Variants in NHSL1 observed in about 807,000 individuals in gnomAD.
The protein encoded by NHSL1 is NHS-like protein 1.
A neutral mutation model predicts 95.0 loss-of-function variants in NHSL1; 48 were observed. The observed-to-expected ratio is 0.51, with a 90% CI of 0.40 to 0.64. The LOEUF is 0.64. NHSL1 is among the 30% of genes least tolerant of loss of function. The pLI is 0.00. For synonymous variants in NHSL1, 783 were observed against 833.9 expected, an observed-to-expected ratio of 0.94 and a Z score of 1.05; for missense variants, 1,971 against 2,077.7, an observed-to-expected ratio of 0.95 and a Z score of 1.00.
At chr6:138,475,285 T>C (rs1181467755) in intron 2 of NHSL1, among the ~76,000 whole-genome samples, 1 of 152,108 alleles carries the variant, frequency 6.6e-6, no homozygotes, top group African/African-American at 2.4e-5. Flanking sequence ...AGTAGCATGA[T>C]GATCACGGCT....
chr6:138,674,271 T>C (rs1397170391), intron 1 of NHSL1, among the ~76,000 whole-genome samples: 1 of 92,194 alleles, frequency 1.1e-5, no homozygotes, highest in Admixed American at 1.2e-4. Context: ...TCTGTTGATA[T>C]AATTTTTTTA....
chr6:138,607,709 T>A (rs1331691747), intron 1 of NHSL1, among the ~76,000 whole-genome samples: 2 of 152,040 alleles, frequency 1.3e-5, no homozygotes, highest in African/African-American at 4.8e-5. Context: ...CGGAGTGGGG[T>A]TTCTTGTCAG....
At chr6:138,494,443 T>G (rs1419990645) in intron 2 of NHSL1, among the ~76,000 whole-genome samples, 1 of 152,208 alleles carries the variant, frequency 6.6e-6, no homozygotes, top group Non-Finnish European at 1.5e-5. Context: ...GCTTCCATTT[T>G]TCCATCTGCA....
rs1775855241 is a variant in NHSL1 at position 138,433,450 on chromosome 6, C to A, written c.895G>T (p.Gly299Cys). Residue 299 changes from glycine to cysteine, a missense_variant, in exon 6 of 8, where the codon GGC becomes TGC. Transcript: ENST00000343505. ...GAATCGCTCAGCACAGACATGTTGCCAGAGGAACCTGAGAAGTGGCCCATC... is the reference window on the plus strand; with the variant it reads ...GAATCGCTCAGCACAGACATGTTGCAAGAGGAACCTGAGAAGTGGCCCATC... ...AQMGHFSGSSGNMSVLSDSAG... is the reference protein window; with the variant it reads ...AQMGHFSGSSCNMSVLSDSAG... The A allele has an allele frequency of 6.4e-7, 1 of 1,552,162 alleles. No homozygotes were observed. Among genetic ancestry groups the A allele is most frequent in the African/African-American group, 1.4e-5 (1 of 73,042 alleles).
Position 138,424,092 on chromosome 6 carries a change from C to T in NHSL1, c.4810G>A (p.Glu1604Lys), listed in dbSNP as rs1420901611. ...PSPQCGGSLS[E>K]ES Reference sequence around the variant, plus strand: ...TTACGTTCTTGGCCCTAACTCTCCTCGCTCAGAGAACCGCCACACTGTGGG... The same window carrying T: ...TTACGTTCTTGGCCCTAACTCTCCTTGCTCAGAGAACCGCCACACTGTGGG... Residue 1604 changes from glutamate (E) to lysine (K), a missense_variant, in exon 8 of 8, where the codon GAG becomes AAG. This residue lies in a region of NHSL1 where 223 missense variants were observed against 217.0 expected (regional missense o/e 1.03). Coordinates refer to ENST00000343505, the MANE Select transcript of NHSL1 (RefSeq NM_001144060.2). The surrounding 1 kb of genome is among the most constrained non-coding windows in gnomAD (Gnocchi z 5.9). The T allele has an allele frequency of 4.3e-6, 6 of 1,391,872 alleles. No individual in the cohort carries two copies. In the South Asian group the frequency reaches 5.4e-5, roughly 12 times the overall value. 86.2% of individuals were successfully genotyped at this position (1,391,872 alleles called of 1,614,324 possible).
At chr6:138,450,560 C>T (rs1456201993) in intron 3 of NHSL1, among the ~76,000 whole-genome samples, 1 of 152,230 alleles carries the variant, frequency 6.6e-6, no homozygotes, top group Non-Finnish European at 1.5e-5. Context: ...CACTAACCTA[C>T]TTTTCTTCTA....
At chr6:138,438,681 TA>T (rs1237259695) in intron 5 of NHSL1, among the ~76,000 whole-genome samples, 3 of 152,138 alleles carry the variant, frequency 2.0e-5, no homozygotes, top group Non-Finnish European at 4.4e-5. Flanking sequence ...TTTGAATTTC[TA>T]AAAAATATAT....
At chr6:138,592,687 T>C (rs973109447) in intron 1 of NHSL1, among the ~76,000 whole-genome samples, 1 of 152,072 alleles carries the variant, frequency 6.6e-6, no homozygotes, top group Non-Finnish European at 1.5e-5. Context: ...AACTGACAAG[T>C]ATGCAGGTAA....
chr6:138,629,121 T>G (rs2114652251), intron 1 of NHSL1, among the ~76,000 whole-genome samples: 1 of 152,324 alleles, frequency 6.6e-6, no homozygotes, highest in East Asian at 1.9e-4. Context: ...CAAATAATCT[T>G]AAGTTCTGCC....
chr6:138,424,464 C>T lies in NHSL1; in HGVS notation c.4438G>A (p.Ala1480Thr). 6.4e-7 allele frequency: 1 copy of T among 1,551,216 alleles called. No individual in the cohort carries two copies. The highest frequency in any genetic ancestry group is 1.4e-5 in the African/African-American group (1 of 73,134). ...CGAGGCATCAAGCCTTCGTTCTTGG[C>T]CCACTCCTCCTGCGCCCTTCTGTTC... Reference protein sequence around the residue: ...SKNRRAQEEWAKNEGLMPRSL... With the variant: ...SKNRRAQEEWTKNEGLMPRSL... Residue 1480 changes from alanine to threonine, a missense_variant, in exon 8 of 8, where the codon GCC becomes ACC. By Grantham distance (58) the Ala-to-Thr change is moderately conservative (BLOSUM62 0). Coordinates refer to ENST00000343505, the MANE Select transcript of NHSL1 (RefSeq NM_001144060.2). This position sits in a 1 kb window ranked among gnomAD's most constrained non-coding sequence, Gnocchi z 5.9.
At chr6:138,523,518 A>C (rs1197918120) in intron 1 of NHSL1, among the ~76,000 whole-genome samples, 4 of 150,552 alleles carry the variant, frequency 2.7e-5, no homozygotes, top group Non-Finnish European at 5.9e-5. Context: ...TACGTTGCCC[A>C]GGCTGGTCTC....
chr6:138,645,329 G>A (rs891766179), intron 1 of NHSL1, among the ~76,000 whole-genome samples: 78 of 151,970 alleles, frequency 5.1e-4, no homozygotes, highest in African/African-American at 1.7e-3. Context: ...AAGGTTCTCC[G>A]GCTCCTCTCC....
intron 1 of NHSL1, among the ~76,000 whole-genome samples, chr6:138,627,367 T>C (rs6921302): frequency 0.043 from 6,564 of 152,296 alleles, 385 homozygotes; most frequent in African/African-American, 0.13. Context: ...GAATGTATTC[T>C]TCTTTGTAAA....
intron 2 of NHSL1, among the ~76,000 whole-genome samples, chr6:138,487,844 T>C (rs1027117882): frequency 6.6e-6 from 1 of 152,210 alleles, no homozygotes; most frequent in Admixed American, 6.5e-5. Flanking sequence ...GAGACAATTA[T>C]ACTTCCTTCC....
chr6:138,671,958 A>AG (rs11392891), intron 1 of NHSL1, among the ~76,000 whole-genome samples: 124,749 of 152,098 alleles, frequency 0.82, 52,087 homozygotes, highest in East Asian at 1. Context: ...GGGTGGGTTG[A>AG]GGAAGGAAAA....
intron 1 of NHSL1, among the ~76,000 whole-genome samples, chr6:138,605,032 TTA>T (rs1784415472): frequency 6.6e-6 from 1 of 152,188 alleles, no homozygotes; most frequent in Non-Finnish European, 1.5e-5. Context: ...TCTGAAATAA[TTA>T]TAGACTCACA....
intron 5 of NHSL1, among the ~76,000 whole-genome samples, chr6:138,438,500 A>G (rs867172996): frequency 1.3e-5 from 2 of 152,220 alleles, no homozygotes; most frequent in Non-Finnish European, 2.9e-5. Context: ...CTATAGCTGC[A>G]ATAACCCTGA....
intron 1 of NHSL1, among the ~76,000 whole-genome samples, chr6:138,689,620 C>G (rs964514496): frequency 1.3e-5 from 2 of 152,210 alleles, no homozygotes; most frequent in Admixed American, 6.5e-5. Flanking sequence ...CTGAAATATG[C>G]TGTCCCCAAC....
intron 3 of NHSL1, among the ~76,000 whole-genome samples, chr6:138,460,142 T>A (rs901084660): frequency 6.6e-6 from 1 of 152,198 alleles, no homozygotes; most frequent in African/African-American, 2.4e-5. Context: ...TTTAAAATCT[T>A]TGGTAGAAGA....
Sources: allele counts gnomAD v4.1 joint callset (sites outside exome capture counted in the v4.1 genomes callset), GRCh38; gene constraint gnomAD v4.1.1; regional missense constraint gnomAD v4.1.1; non-coding constraint Gnocchi (gnomAD v3.1); transcripts MANE v1.5; gene names NCBI Gene and HGNC (gene_info 2026-07-23, HGNC 2026-07-21).